The following SARM1 variants were observed in gnomAD, a reference collection of about 807,000 sequenced individuals.
SARM1 encodes the protein NAD(+) hydrolase SARM1.
In SARM1, 60 loss-of-function variants were observed where a neutral mutation model predicts 65.1. The observed-to-expected ratio is 0.92, with a 90% CI of 0.75 to 1.14. The LOEUF is 1.14. SARM1 is among the 50% of genes most tolerant of loss of function. The pLI is 0.00. For synonymous variants in SARM1, 417 were observed against 465.4 expected, an observed-to-expected ratio of 0.90 and a Z score of 1.34; for missense variants, 913 against 1,015.7, an observed-to-expected ratio of 0.90 and a Z score of 1.37.
At position 28,400,962 on chromosome 17, in the gene SARM1, G is replaced by A. The variant is rs1269330702; in HGVS notation, c.*4676G>A. ...ATGTGGACAGTAGCTGGCACAGAGG[G>A]GCTACTAAACAAATGGCTGCTATTA... is the stretch of plus-strand genomic sequence containing the variant. On this transcript the variant is annotated 3_prime_UTR_variant, in exon 9 of 9. Transcript: ENST00000585482. The A allele has an allele frequency of 3.3e-6, 2 of 611,416 alleles. No homozygotes were observed. The highest frequency in any genetic ancestry group is 2.5e-5 in the Admixed American group (1 of 40,044). The allele number at this position is 611,416 out of a possible 1,614,324, so 37.9% of individuals were successfully genotyped here. A position where few individuals can be genotyped will look rare whatever the true frequency, so the allele number is the denominator to read the frequency against.
chr17:28,386,235 G>A (rs970809331), intron 5 of SARM1, among the ~76,000 whole-genome samples: 2 of 152,168 alleles, frequency 1.3e-5, no homozygotes, highest in African/African-American at 4.8e-5. Context: ...AGCCCAGGAA[G>A]TTAAGGCCGC....
At chr17:28,377,845 A>C (rs1160162802) in intron 1 of SARM1, among the ~76,000 whole-genome samples, 1 of 152,050 alleles carries the variant, frequency 6.6e-6, no homozygotes, top group Non-Finnish European at 1.5e-5. Flanking sequence ...TTACAAGCGC[A>C]CACCACTACA....
chr17:28,399,609 G>C lies in SARM1; in HGVS notation c.*3323G>C. ...TCCAGCTGCAGACCTCCAGTTGCTTGGTGTTCACTTTGCTCCTCTTGCCCT... is the reference window on the plus strand; with the variant it reads ...TCCAGCTGCAGACCTCCAGTTGCTTCGTGTTCACTTTGCTCCTCTTGCCCT... On this transcript the variant is annotated 3_prime_UTR_variant, in exon 9 of 9. Transcript: ENST00000585482. The C allele has an allele frequency of 1.3e-6, 2 of 1,599,346 alleles. No homozygotes were observed. The highest frequency in any genetic ancestry group is 8.6e-7 in the Non-Finnish European group (1 of 1,166,904).
At chr17:28,389,238 A>G (rs944001537) in intron 7 of SARM1, among the ~76,000 whole-genome samples, 7 of 152,216 alleles carry the variant, frequency 4.6e-5, no homozygotes, top group African/African-American at 1.7e-4. Flanking sequence ...GAAAGAGGGT[A>G]TAATAATAGT....
rs868954301 is a variant in SARM1 at position 28,372,060 on chromosome 17, T to C, written c.28T>C (p.Tyr10His). 1 of 1,505,086 alleles carries C rather than the reference T, an allele frequency of 6.6e-7. No homozygotes were observed. The highest frequency in any genetic ancestry group is 2.0e-5 in the Admixed American group (1 of 48,976). 93.2% of individuals were successfully genotyped at this position (1,505,086 alleles called of 1,614,324 possible). MVLTLLLSA[Y>H]KLCRFFAMSG... is the part of the protein sequence containing the mutation. Reference sequence around the variant, plus strand: ...GGTCCTGACGCTGCTTCTCTCCGCCTACAAGCTGTGTCGCTTCTTCGCCAT... The same window carrying C: ...GGTCCTGACGCTGCTTCTCTCCGCCCACAAGCTGTGTCGCTTCTTCGCCAT... Residue 10 changes from tyrosine (Y) to histidine (H), a missense_variant, in exon 1 of 9, where the codon TAC becomes CAC. Tyr to His is a moderately conservative substitution (Grantham distance 83). Coordinates refer to ENST00000585482, the MANE Select transcript of SARM1 (RefSeq NM_015077.4). The surrounding 1 kb of genome is among the most constrained non-coding windows in gnomAD (Gnocchi z 5.2).
chr17:28,373,713 G>C (rs781886756), intron 1 of SARM1: 2 of 152,174 alleles, frequency 1.3e-5, no homozygotes, highest in Non-Finnish European at 2.9e-5. Context: ...TGCCCTGCAG[G>C]CTTGCTATGT....
At position 28,401,371 on chromosome 17, in the gene SARM1, T is replaced by C. The variant is rs942726708; in HGVS notation, c.*5085T>C. The C allele has an allele frequency of 6.3e-6, 1 of 157,802 alleles. No individual in the cohort carries two copies. The highest frequency in any genetic ancestry group is 1.4e-5 in the Non-Finnish European group (1 of 71,234). 9.8% of individuals were successfully genotyped at this position (157,802 alleles called of 1,614,324 possible). ...TTGACATCTCTGGGCACAGAGAAAG[T>C]GCTGGGAAAAAAAGTTTAGGTGAAT... is the stretch of plus-strand genomic sequence containing the variant. On this transcript the variant is annotated 3_prime_UTR_variant, in exon 9 of 9. Transcript: ENST00000585482.
At chr17:28,381,088 C>G (rs2068020505) in intron 1 of SARM1, 115 bp from the exon 2 acceptor site, 1 of 1,253,886 alleles carries the variant, frequency 8.0e-7, no homozygotes, top group Non-Finnish European at 1.1e-6. Flanking sequence ...GGAATGCTCT[C>G]CCCTATATGA....
rs781949017 is a variant in SARM1 at position 28,400,625 on chromosome 17, G to A, written c.*4339G>A. On this transcript the variant is annotated 3_prime_UTR_variant, in exon 9 of 9. Coordinates refer to ENST00000585482, the MANE Select transcript of SARM1 (RefSeq NM_015077.4). Reference sequence around the variant, plus strand: ...CCTGCATTACCCAATCAGAACAGCCGGGATGAGCAGGAGGCCAGCTCCCAG... The same window carrying A: ...CCTGCATTACCCAATCAGAACAGCCAGGATGAGCAGGAGGCCAGCTCCCAG... 3.1e-5 allele frequency: 50 copies of A among 1,613,578 alleles called. No individual in the cohort carries two copies. The highest frequency in any genetic ancestry group is 1.3e-4 in the East Asian group (6 of 44,892).
Position 28,381,293 on chromosome 17 carries a change from C to G in SARM1, c.561C>G (p.Ile187Met). The change falls in exon 2 of 9, where the codon ATC becomes ATG. Residue 187 changes from isoleucine to methionine, a missense_variant. By Grantham distance (10) the Ile-to-Met change is conservative (BLOSUM62 1). Transcript: ENST00000585482. ...AGCTGGCGCGGAGCGTGGCAGGCAT[C>G]TTGGAGCACATGTTCAAGCATTCGG... is the stretch of plus-strand genomic sequence containing the variant. Reference protein sequence around the residue: ...PVELARSVAGILEHMFKHSEE... With the variant: ...PVELARSVAGMLEHMFKHSEE... 1.2e-6 allele frequency: 2 copies of G among 1,605,932 alleles called. No homozygotes were observed. The highest frequency in any genetic ancestry group is 1.7e-6 in the Non-Finnish European group (2 of 1,176,664).
chr17:28,395,432 G>A (rs2068107978), intron 7 of SARM1: 1 of 157,040 alleles, frequency 6.4e-6, no homozygotes, highest in African/African-American at 2.4e-5. Context: ...CTTGTTTGGG[G>A]GTTTTTATGG....
chr17:28,396,440 C>A lies in SARM1; in HGVS notation c.*154C>A. On this transcript the variant is annotated 3_prime_UTR_variant, in exon 9 of 9. Transcript: ENST00000585482. ...CCCTGTCCCCCACCCTCATGGCCCA[C>A]CTCCAACCCACTTTCCTCAGTATCT... 1.2e-6 allele frequency: 1 copy of A among 838,786 alleles called. No homozygotes were observed. The highest frequency in any genetic ancestry group is 1.8e-6 in the Non-Finnish European group (1 of 544,980). The allele number at this position is 838,786 out of a possible 1,614,324, so 52.0% of individuals were successfully genotyped here. A position where few individuals can be genotyped will look rare whatever the true frequency, so the allele number is the denominator to read the frequency against.
chr17:28,394,522 C>CA (rs2068098332), intron 7 of SARM1, among the ~76,000 whole-genome samples: 1 of 152,208 alleles, frequency 6.6e-6, no homozygotes, highest in South Asian at 2.1e-4. Context: ...TCTGAAATGT[C>CA]AGTCACGAGG....
Position 28,401,133 on chromosome 17 carries a change from A to G in SARM1, c.*4847A>G. 2.9e-6 allele frequency: 1 copy of G among 339,842 alleles called. No homozygotes were observed. Among genetic ancestry groups the G allele is most frequent in the South Asian group, 2.5e-5 (1 of 39,500 alleles). 21.1% of individuals were successfully genotyped at this position (339,842 alleles called of 1,614,324 possible). A position where few individuals can be genotyped will look rare whatever the true frequency, so the allele number is the denominator to read the frequency against. ...TGGAATCATCTCCTGTTTGGGATTA[A>G]CTGCTGGTCTGATCAGTTCCAATAT... On this transcript the variant is annotated 3_prime_UTR_variant, in exon 9 of 9. Transcript: ENST00000585482.
At chr17:28,379,299 C>CTTTTTTT (rs1193480505) in intron 1 of SARM1, among the ~76,000 whole-genome samples, 5 of 78,360 alleles carry the variant, frequency 6.4e-5, no homozygotes, top group African/African-American at 2.2e-4. Context: ...CCATTTAGAT[C>CTTTTTTT]TTTTTTTTTT....
chr17:28,381,441 G>T lies in SARM1; in HGVS notation c.709G>T (p.Gly237Trp), dbSNP rs782357936. The T allele has an allele frequency of 1.0e-5, 16 of 1,546,330 alleles. No homozygotes were observed. The highest frequency in any genetic ancestry group is 5.5e-5 in the African/African-American group (4 of 72,852). The part of the protein sequence containing the change: ...ALALGNCALH[G>W]GQAVQRRMVE... ...GGCGCTGGGCAACTGCGCGCTGCAC[G>T]GGGGCCAGGCGGTGCAGCGACGCAT... Residue 237 changes from glycine to tryptophan, a missense_variant, in exon 2 of 9, where the codon GGG (glycine) becomes TGG (tryptophan). By Grantham distance (184) the Gly-to-Trp change is radical. Around this residue, in one of 3 missense-constraint regions of SARM1, gnomAD observed 862 missense variants for 952.1 expected, o/e 0.91. Coordinates refer to ENST00000585482, the MANE Select transcript of SARM1 (RefSeq NM_015077.4).
chr17:28,381,692 G>A lies in SARM1; in HGVS notation c.960G>A (p.Gln320=), dbSNP rs782148644. 1 of 1,561,164 alleles carries A rather than the reference G, an allele frequency of 6.4e-7. No homozygotes were observed. Among genetic ancestry groups the A allele is most frequent in the Non-Finnish European group, 8.7e-7 (1 of 1,154,112 alleles). Residue 320 remains glutamine (Q), a synonymous_variant, in exon 2 of 9, where the codon CAG becomes CAA. Coordinates refer to ENST00000585482, the MANE Select transcript of SARM1 (RefSeq NM_015077.4). The stretch of plus-strand genomic sequence containing the variant: ...TGGTGGACGCCAGCGACACAAGCCA[G>A]GGCCGCGGGCCCGACGACCTGCAGC... ...RCLVDASDTS[Q]GRGPDDLQRL... is the part of the protein sequence containing the mutation.
rs1555585169 is a variant in SARM1, at chr17:28,381,257, C to G, written c.525C>G (p.Arg175=). 2 of 1,610,600 alleles carry G rather than the reference C, an allele frequency of 1.2e-6. No homozygotes were observed. Among genetic ancestry groups the G allele is most frequent in the East Asian group, 2.2e-5 (1 of 44,828 alleles). The stretch of plus-strand genomic sequence containing the variant: ...TGATCCTGAACCTGGCGAAGGAACG[C>G]GAACCCGTAGAGCTGGCGCGGAGCG... ...LGVILNLAKE[R]EPVELARSVA... Residue 175 remains arginine (R), a synonymous_variant, in exon 2 of 9, where the codon CGC becomes CGG. Coordinates refer to ENST00000585482, the MANE Select transcript of SARM1 (RefSeq NM_015077.4).
At position 28,396,901 on chromosome 17, in the gene SARM1, C is replaced by T. The variant is rs1398958006; in HGVS notation, c.*615C>T. Reference sequence around the variant, plus strand: ...TCCTTCGGTGTGGTATCTTTTGCCACATCCAGGGCGAGGGTTGAGGCAAAC... The same window carrying T: ...TCCTTCGGTGTGGTATCTTTTGCCATATCCAGGGCGAGGGTTGAGGCAAAC... On this transcript the variant is annotated 3_prime_UTR_variant, in exon 9 of 9. Coordinates refer to ENST00000585482, the MANE Select transcript of SARM1 (RefSeq NM_015077.4). 6.6e-6 allele frequency: 1 copy of T among 152,486 alleles called. No homozygotes were observed. The highest frequency in any genetic ancestry group is 2.4e-5 in the African/African-American group (1 of 41,480). 9.4% of individuals were successfully genotyped at this position (152,486 alleles called of 1,614,324 possible).
Sources: gnomAD v4.1 joint callset for allele counts (sites outside exome capture counted in the v4.1 genomes callset) on GRCh38, gnomAD v4.1.1 for gene constraint, gnomAD v4.1.1 regional missense constraint, Gnocchi (gnomAD v3.1) non-coding constraint, MANE v1.5 for transcripts, NCBI Gene and HGNC (gene_info 2026-07-23, HGNC 2026-07-21) for gene names.